The following PCDHGB2 variants were observed in gnomAD, a reference collection of about 807,000 sequenced individuals.
The protein encoded by PCDHGB2 is protocadherin gamma subfamily B, 2, also known as protocadherin gamma-B2.
Under a neutral mutation model 59.3 loss-of-function variants are expected in PCDHGB2, and 55 were observed. That is an observed-to-expected ratio of 0.93 (90% CI 0.75 to 1.16). The LOEUF is 1.16. Among genes scored for constraint, PCDHGB2 ranks in the 50% most tolerant of loss-of-function variants. PCDHGB2 has a pLI of 0.00. For synonymous variants in PCDHGB2, 516 were observed against 512.0 expected (o/e 1.01, Z -0.11); for missense variants, 1,228 against 1,198.5 (o/e 1.02, Z -0.36).
intron 1 of PCDHGB2, chr5:141,364,990 G>A (rs1363998069): frequency 1.9e-6 from 3 of 1,613,862 alleles, no homozygotes; most frequent in Admixed American, 1.7e-5. Flanking sequence ...GCGGAGACCC[G>A]GTACTCTCCG....
chr5:141,400,476 C>T (rs2094027348), intron 1 of PCDHGB2: 2 of 1,613,846 alleles, frequency 1.2e-6, no homozygotes, highest in African/African-American at 2.7e-5. Context: ...CATCTGGGGC[C>T]TTATTTCCAC....
intron 1 of PCDHGB2, chr5:141,410,318 G>A: frequency 6.2e-7 from 1 of 1,613,982 alleles, no homozygotes; most frequent in Non-Finnish European, 8.5e-7. Flanking sequence ...CTTCCTCCTC[G>A]CCGTGATTCT....
intron 1 of PCDHGB2, among the ~76,000 whole-genome samples, chr5:141,469,914 C>T (rs1451982311): frequency 6.6e-6 from 1 of 152,082 alleles, no homozygotes. Flanking sequence ...GCAGACCACC[C>T]GAGGTCAGGA....
chr5:141,402,965 A>G, intron 1 of PCDHGB2: 2 of 1,606,016 alleles, frequency 1.2e-6, no homozygotes, highest in Non-Finnish European at 1.7e-6. Flanking sequence ...GGCAGCTCCA[A>G]CCAAATGCCA....
At chr5:141,364,925 C>T in intron 1 of PCDHGB2, 2 of 1,613,910 alleles carry the variant, frequency 1.2e-6, no homozygotes, top group Non-Finnish European at 8.5e-7. Flanking sequence ...GTTGGAACAG[C>T]CCCTAGACCG....
At chr5:141,483,790 AGTT>A (rs963139644) in intron 1 of PCDHGB2, among the ~76,000 whole-genome samples, 14 of 152,290 alleles carry the variant, frequency 9.2e-5, no homozygotes, top group African/African-American at 3.4e-4. Flanking sequence ...TAAGAACTCC[AGTT>A]GTTGCTGCTT....
At position 141,511,076 on chromosome 5, in the gene PCDHGB2, A is replaced by G. The variant is rs201009079; in HGVS notation, c.2699A>G (p.Asn900Ser). 19 of 1,614,218 alleles carry G rather than the reference A, an allele frequency of 1.2e-5. No individual in the cohort carries two copies. In the East Asian group the frequency reaches 3.6e-4, roughly 30 times the overall value. ...CAGAATGTCTACATCCCAGGCAGCA[A>G]TGCCACACTGACCAACGCAGCTGGC... ...YRQNVYIPGS[N>S]ATLTNAAGKR... Residue 900 changes from asparagine (N) to serine (S), a missense_variant, in exon 4 of 4, where the codon AAT (asparagine) becomes AGT (serine). Coordinates refer to ENST00000522605, the MANE Select transcript of PCDHGB2 (RefSeq NM_018923.3).
chr5:141,409,904 G>T lies in PCDHGB2; in HGVS notation c.2421+47348G>T, dbSNP rs757396196. 10 of 1,613,278 alleles carry T rather than the reference G, an allele frequency of 6.2e-6. No homozygotes were observed. The South Asian group carries it at 1.1e-4, about 18-fold the overall frequency. On this transcript the variant is annotated intron_variant, in intron 1 of 3. Coordinates refer to ENST00000522605, the MANE Select transcript of PCDHGB2 (RefSeq NM_018923.3). ...ACCGCGGGTGCTGTACCCAGCTCTGGGTCCTGACGGCTCCGCGTTCTTCGA... is the reference window on the plus strand; with the variant it reads ...ACCGCGGGTGCTGTACCCAGCTCTGTGTCCTGACGGCTCCGCGTTCTTCGA...
intron 1 of PCDHGB2, among the ~76,000 whole-genome samples, chr5:141,475,231 G>A (rs1188161872): frequency 6.6e-6 from 1 of 152,190 alleles, no homozygotes; most frequent in Admixed American, 6.5e-5. Flanking sequence ...AAAGGGAAAC[G>A]ATAGAGAGAG....
chr5:141,375,404 AAT>A, intron 1 of PCDHGB2: 2 of 1,613,912 alleles, frequency 1.2e-6, no homozygotes, highest in Non-Finnish European at 1.7e-6. Context: ...CATCTCTCTA[AAT>A]GTGGCAGACA....
At chr5:141,394,071 A>G (rs953618981) in intron 1 of PCDHGB2, 1 of 1,613,908 alleles carries the variant, frequency 6.2e-7, no homozygotes, top group Non-Finnish European at 8.5e-7. Context: ...TATCTACAAT[A>G]TCACAGTGAT....
intron 1 of PCDHGB2, among the ~76,000 whole-genome samples, chr5:141,402,245 A>G (rs1196349685): frequency 6.6e-6 from 1 of 152,078 alleles, no homozygotes; most frequent in East Asian, 1.9e-4. Flanking sequence ...TTTATCATCA[A>G]AATAAACCCC....
chr5:141,365,815 A>G (rs1246985073), intron 1 of PCDHGB2: 1 of 1,613,664 alleles, frequency 6.2e-7, no homozygotes, highest in Admixed American at 1.7e-5. Context: ...CTGAAGACAC[A>G]TTTCAGGGGG....
rs776864431 is a variant in PCDHGB2 at position 141,365,544 on chromosome 5, TAAC to T, written c.2421+2992_2421+2994del. ...TCAGTTGATAATTACTATCACCTATTAACAACTAGGGACCTGGACAGAGAAGAG... is the reference window on the plus strand; with the variant it reads ...TCAGTTGATAATTACTATCACCTATTAACTAGGGACCTGGACAGAGAAGAG... On this transcript the variant is annotated intron_variant, in intron 1 of 3. Transcript: ENST00000522605. 1.9e-6 allele frequency: 3 copies of T among 1,613,800 alleles called. No individual in the cohort carries two copies. In the East Asian group the frequency reaches 6.7e-5, roughly 36 times the overall value.
Position 141,394,674 on chromosome 5 carries a change from C to A in PCDHGB2, c.2421+32118C>A, listed in dbSNP as rs1236446796. ...CGAGCCGGGACTCTTCTCGGTGGGT[C>A]TGCACACGGGCGAGGTGCGCACGGC... On this transcript the variant is annotated intron_variant, in intron 1 of 3. Coordinates refer to ENST00000522605, the MANE Select transcript of PCDHGB2 (RefSeq NM_018923.3). 5.0e-6 allele frequency: 8 copies of A among 1,612,640 alleles called. No homozygotes were observed. The highest frequency in any genetic ancestry group is 6.8e-6 in the Non-Finnish European group (8 of 1,179,760).
intron 1 of PCDHGB2, among the ~76,000 whole-genome samples, chr5:141,448,434 GA>G (rs1297090877): frequency 1.3e-5 from 2 of 152,050 alleles, no homozygotes; most frequent in South Asian, 4.2e-4. Flanking sequence ...TATATATTGA[GA>G]AGTCTGACTT....
At chr5:141,436,394 T>C (rs781428769) in intron 1 of PCDHGB2, among the ~76,000 whole-genome samples, 15 of 152,216 alleles carry the variant, frequency 9.9e-5, no homozygotes, top group Non-Finnish European at 1.9e-4. Flanking sequence ...CTTTATTAAA[T>C]AGTTGTTGAA....
At chr5:141,413,648 TC>T in intron 1 of PCDHGB2, 1 of 1,613,820 alleles carries the variant, frequency 6.2e-7, no homozygotes, top group Non-Finnish European at 8.5e-7. Context: ...CGTTTTCCTC[TC>T]CCGGAAGCTA....
At chr5:141,413,796 G>A in intron 1 of PCDHGB2, 2 of 1,613,190 alleles carry the variant, frequency 1.2e-6, no homozygotes, top group Non-Finnish European at 1.7e-6. Flanking sequence ...TAGATCGCGA[G>A]GAAGAGGCCA....
Sources: allele counts gnomAD v4.1 joint callset (sites outside exome capture counted in the v4.1 genomes callset), GRCh38; gene constraint gnomAD v4.1.1; transcripts MANE v1.5; gene names NCBI Gene and HGNC (gene_info 2026-07-23, HGNC 2026-07-21).